Variants in LDLRAD4 observed in about 807,000 individuals in gnomAD.
The protein encoded by LDLRAD4 is low density lipoprotein receptor class A domain containing 4.
A neutral mutation model predicts 17.0 loss-of-function variants in LDLRAD4; 5 were observed. That is an observed-to-expected ratio of 0.29 (90% CI 0.15 to 0.62). The LOEUF (loss-of-function observed/expected upper bound fraction) is 0.62. Among genes scored for constraint, LDLRAD4 ranks in the 20% least tolerant of loss-of-function variants. LDLRAD4 has a pLI of 0.84. For synonymous variants in LDLRAD4, 168 were observed against 171.8 expected (o/e 0.98, Z 0.17); for missense variants, 340 against 424.7 (o/e 0.80, Z 1.75).
At chr18:13,267,492 G>T (rs1225474635) in intron 1 of LDLRAD4, among the ~76,000 whole-genome samples, 3 of 152,192 alleles carry the variant, frequency 2.0e-5, no homozygotes, top group Non-Finnish European at 4.4e-5. Context: ...GCTGCCCAGG[G>T]GCATAGCCTG....
chr18:13,436,469 G>A (rs1444219577), intron 2 of LDLRAD4, among the ~76,000 whole-genome samples: 1 of 152,176 alleles, frequency 6.6e-6, no homozygotes, highest in African/African-American at 2.4e-5. Context: ...CAGCAATGGT[G>A]AACTTTTTAG....
intron 1 of LDLRAD4, among the ~76,000 whole-genome samples, chr18:13,280,854 G>A (rs903221455): frequency 3.3e-5 from 5 of 152,176 alleles, no homozygotes; most frequent in East Asian, 1.9e-4. Flanking sequence ...TCCCTGTGGG[G>A]AGACACACTG....
intron 3 of LDLRAD4, among the ~76,000 whole-genome samples, chr18:13,619,428 C>T (rs1261528423): frequency 6.8e-6 from 1 of 147,366 alleles, no homozygotes; most frequent in Non-Finnish European, 1.5e-5. Flanking sequence ...AGAGCAATTT[C>T]AGTCTTTTCC....
chr18:13,596,111 C>T (rs553675613), intron 3 of LDLRAD4, among the ~76,000 whole-genome samples: 9 of 152,224 alleles, frequency 5.9e-5, no homozygotes, highest in African/African-American at 1.7e-4. Flanking sequence ...AACTCTTTGT[C>T]ATTAGTAAAT....
rs368876042 is a variant in LDLRAD4, at chr18:13,602,933, A to C, written c.182-18184A>C. On this transcript the variant is annotated intron_variant, in intron 3 of 5. Transcript: ENST00000359446. Reference sequence around the variant, plus strand: ...GGAATCCTATTGGAGAGGACATTTAATGGGAGGACATCGCTATATGTTTTC... The same window carrying C: ...GGAATCCTATTGGAGAGGACATTTACTGGGAGGACATCGCTATATGTTTTC... Among the ~76,000 whole-genome samples, 598 of 152,320 alleles carry C rather than the reference A, an allele frequency of 3.9e-3. 3 individuals carry two copies. Among genetic ancestry groups the C allele is most frequent in the African/African-American group, 0.014 (577 of 41,578 alleles).
intron 3 of LDLRAD4, among the ~76,000 whole-genome samples, chr18:13,548,146 C>G (rs1270645443): frequency 1.3e-5 from 2 of 152,164 alleles, no homozygotes; most frequent in African/African-American, 4.8e-5. Context: ...GGCAGGTCAT[C>G]TTGTCATCTG....
At chr18:13,642,550 G>A (rs1601884181) in intron 4 of LDLRAD4, 1 of 1,228,372 alleles carries the variant, frequency 8.1e-7, no homozygotes, top group East Asian at 3.2e-5. Context: ...AGGTGGACTG[G>A]AGAAGACACT....
chr18:13,383,026 C>A (rs2085503618), intron 1 of LDLRAD4, among the ~76,000 whole-genome samples: 2 of 152,214 alleles, frequency 1.3e-5, no homozygotes, highest in South Asian at 4.1e-4. Flanking sequence ...TTGTAATCAT[C>A]ATCTCAACTC....
intron 3 of LDLRAD4, among the ~76,000 whole-genome samples, chr18:13,559,667 G>T (rs1389771445): frequency 6.6e-6 from 1 of 152,086 alleles, no homozygotes; most frequent in Non-Finnish European, 1.5e-5. Context: ...ATATATACAT[G>T]TAAGCTATTT....
rs1357530796 is a variant in LDLRAD4, at chr18:13,621,593, C to T, written c.336+322C>T. Among the ~76,000 whole-genome samples, 1 of 152,208 alleles carries T rather than the reference C, an allele frequency of 6.6e-6. No individual in the cohort carries two copies. Among genetic ancestry groups the T allele is most frequent in the Admixed American group, 6.5e-5 (1 of 15,286 alleles). On this transcript the variant is annotated intron_variant, in intron 4 of 5. Transcript: ENST00000359446. This position sits in a 1 kb window ranked among gnomAD's most constrained non-coding sequence, Gnocchi z 5.5. ...GACCGGCCCTGGGTGGTCCCTCGTG[C>T]CTGGCTCCTCTGGCTTGGCAGTGCA...
intron 2 of LDLRAD4, among the ~76,000 whole-genome samples, chr18:13,412,506 C>T (rs1035148120): frequency 1.3e-5 from 2 of 152,192 alleles, no homozygotes; most frequent in East Asian, 3.9e-4. Flanking sequence ...GATTCATTCA[C>T]TTCTCTCTCA....
At position 13,358,092 on chromosome 18, in the gene LDLRAD4, T is replaced by C. The variant is rs559967425; in HGVS notation, c.-382-29249T>C. ...TCATACCCAATCCACACTCATCTTG[T>C]ATATTTTTTGCACCAGACCTGGAAT... On this transcript the variant is annotated intron_variant, in intron 1 of 5. Coordinates refer to ENST00000359446, the Ensembl canonical transcript of LDLRAD4. 4.6e-5 allele frequency among the ~76,000 whole-genome samples: 7 copies of C among 152,290 alleles called. No homozygotes were observed. The South Asian group carries it at 1.5e-3, about 32-fold the overall frequency.
chr18:13,567,245 A>C (rs61653610), intron 3 of LDLRAD4, among the ~76,000 whole-genome samples: 28,012 of 152,230 alleles, frequency 0.18, 2,796 homozygotes, highest in Non-Finnish European at 0.22. Context: ...AAGAAAGACA[A>C]ATACACACAC....
At chr18:13,505,169 C>T (rs2093671231) in intron 3 of LDLRAD4, among the ~76,000 whole-genome samples, 1 of 152,152 alleles carries the variant, frequency 6.6e-6, no homozygotes, top group African/African-American at 2.4e-5. Flanking sequence ...AGCTGGTTAC[C>T]CACAAGCGAA....
At chr18:13,275,255 T>C (rs1288973828), upstream of LDLRAD4, among the ~76,000 whole-genome samples, 2 of 152,238 alleles carry the variant, frequency 1.3e-5, no homozygotes, top group Non-Finnish European at 1.5e-5. Flanking sequence ...TTTTTAACCT[T>C]GAACTGTAGA....
intron 3 of LDLRAD4, among the ~76,000 whole-genome samples, chr18:13,546,283 C>G (rs1425517184): frequency 2.6e-5 from 4 of 152,116 alleles, no homozygotes; most frequent in African/African-American, 9.7e-5. Flanking sequence ...ACCAGCAGGC[C>G]AACTCCACCA....
chr18:13,602,667 C>T lies in LDLRAD4; in HGVS notation c.182-18450C>T, dbSNP rs562341103. 2.0e-3 allele frequency among the ~76,000 whole-genome samples: 298 copies of T among 151,780 alleles called. 2 individuals are homozygous for T. The highest frequency in any genetic ancestry group is 3.2e-3 in the Non-Finnish European group (215 of 67,948). Reference sequence around the variant, plus strand: ...TTCAACATATTGGCCAGGCTGGTCTCGAACTTCTGACCTTAAGTGATCTGC... The same window carrying T: ...TTCAACATATTGGCCAGGCTGGTCTTGAACTTCTGACCTTAAGTGATCTGC... On this transcript the variant is annotated intron_variant, in intron 3 of 5. Transcript: ENST00000359446.
intron 1 of LDLRAD4, among the ~76,000 whole-genome samples, chr18:13,307,229 C>T (rs2046967238): frequency 6.6e-6 from 1 of 152,072 alleles, no homozygotes; most frequent in African/African-American, 2.4e-5. Flanking sequence ...CTTTCCTGTC[C>T]CGGTTCCCAC....
intron 4 of LDLRAD4, among the ~76,000 whole-genome samples, chr18:13,638,339 A>G (rs570668865): frequency 1.3e-5 from 2 of 152,254 alleles, no homozygotes; most frequent in South Asian, 4.1e-4. Context: ...AGCCTATGCA[A>G]TGGCTACCTA....
Sources: gnomAD v4.1 joint callset for allele counts (sites outside exome capture counted in the v4.1 genomes callset) on GRCh38, gnomAD v4.1.1 for gene constraint, Gnocchi (gnomAD v3.1) non-coding constraint, MANE v1.5 for transcripts, NCBI Gene and HGNC (gene_info 2026-07-23, HGNC 2026-07-21) for gene names.